The following NIN variants were observed in gnomAD, a reference collection of about 807,000 sequenced individuals.
NIN encodes the protein glycogen synthase kinase 3 beta-interacting protein.
A neutral mutation model predicts 257.6 loss-of-function variants in NIN; 137 were observed. That is an observed-to-expected ratio of 0.53 (90% CI 0.46 to 0.61). NIN has a LOEUF of 0.61. Among genes scored for constraint, NIN ranks in the 20% least tolerant of loss-of-function variants. The pLI is 0.00. For missense variants in NIN, 2,439 were observed against 2,501.2 expected, an observed-to-expected ratio of 0.98 and a Z score of 0.53; for synonymous variants, 918 against 919.8, an observed-to-expected ratio of 1.00 and a Z score of 0.04.
intron 5 of NIN, among the ~76,000 whole-genome samples, chr14:50,781,996 C>A (rs966492650): frequency 6.7e-6 from 1 of 148,354 alleles, no homozygotes. Flanking sequence ...ACATAAGAAG[C>A]AACATAATTA....
rs764843233 is a variant in NIN at position 50,792,676 on chromosome 14, C to T, written c.435+36G>A. ...CTGCACTGACGTGGGGCTCCACACT[C>T]ATGATCCAGATGAACGTGCATGCCC... On this transcript the variant is annotated intron_variant, in intron 5 of 30. Transcript: ENST00000530997. 8.1e-6 allele frequency: 13 copies of T among 1,612,598 alleles called. No individual in the cohort carries two copies. In the Admixed American group the frequency reaches 1.7e-4, roughly 21 times the overall value.
intron 3 of NIN, among the ~76,000 whole-genome samples, chr14:50,818,368 A>G (rs1054816402): frequency 3.3e-5 from 5 of 152,008 alleles, no homozygotes; most frequent in Admixed American, 2.0e-4. Context: ...GTTTCAACAA[A>G]ACCAAGGCAA....
Position 50,759,908 on chromosome 14 carries a change from T to C in NIN, c.2348A>G (p.Glu783Gly), listed in dbSNP as rs1482360908. The C allele has an allele frequency of 6.2e-7, 1 of 1,613,916 alleles. No individual in the cohort carries two copies. The highest frequency in any genetic ancestry group is 1.7e-5 in the Admixed American group (1 of 59,968). Residue 783 changes from glutamate (E) to glycine (G), a missense_variant, in exon 17 of 31, where the codon GAG becomes GGG. This residue lies in a region of NIN where 2,043 missense variants were observed against 2,050.2 expected (regional missense o/e 1.00). Coordinates refer to ENST00000530997, the MANE Select transcript of NIN (RefSeq NM_020921.4). ...LVEKHTLEKE[E>G]LRKELLEKHQ... The stretch of plus-strand genomic sequence containing the variant: ...CTTTTCCAAGAGCTCTTTTCTTAAC[T>C]CCTCTTTCTCAAGAGTGTGTTTCTC...
Position 50,767,677 on chromosome 14 carries a change from T to A in NIN, c.1435-787A>T, listed in dbSNP as rs754692932. Among the ~76,000 whole-genome samples the A allele has an allele frequency of 2.0e-5, 3 of 151,812 alleles. No homozygotes were observed. The East Asian group carries it at 5.8e-4, about 30-fold the overall frequency. ...CTAAAAATACAAAAAATTAGCCAGG[T>A]GTGGTGGCGGGCGCCTGTAGTCCCA... On this transcript the variant is annotated intron_variant, in intron 12 of 30. Transcript: ENST00000530997.
intron 24 of NIN, among the ~76,000 whole-genome samples, chr14:50,743,058 G>A (rs2041364814): frequency 6.6e-6 from 1 of 151,942 alleles, no homozygotes; most frequent in Non-Finnish European, 1.5e-5. Flanking sequence ...CTGCCTCTTA[G>A]GTTCAAACAA....
At position 50,759,579 on chromosome 14, in the gene NIN, C is replaced by T. The variant is rs572680733; in HGVS notation, c.2399+278G>A. ...CGCGATCTCGGCTCACTGCAAGCTC[C>T]GCCTCCCGGGTTCACGCCATTCTCC... On this transcript the variant is annotated intron_variant, in intron 17 of 30. Transcript: ENST00000530997. 1.6e-4 allele frequency among the ~76,000 whole-genome samples: 24 copies of T among 151,996 alleles called. No homozygotes were observed. In the Middle Eastern group the frequency reaches 0.01, roughly 65 times the overall value.
chr14:50,794,154 G>A (rs1166258176), intron 4 of NIN, among the ~76,000 whole-genome samples: 3 of 152,170 alleles, frequency 2.0e-5, no homozygotes, highest in Non-Finnish European at 2.9e-5. Flanking sequence ...TCCCAGGGAG[G>A]ACTGGCGACC....
intron 29 of NIN, among the ~76,000 whole-genome samples, chr14:50,727,987 A>G (rs560664483): frequency 6.6e-6 from 1 of 152,344 alleles, no homozygotes; most frequent in East Asian, 1.9e-4. Context: ...GCAGCGGGAA[A>G]TGGGAGAGCC....
chr14:50,753,392 C>T (rs2041882419), intron 20 of NIN, among the ~76,000 whole-genome samples: 1 of 152,134 alleles, frequency 6.6e-6, no homozygotes, highest in South Asian at 2.1e-4. Flanking sequence ...AAGAGCGAAA[C>T]TCCGTCTCAA....
chr14:50,818,318 CAAAA>C (rs5808573), intron 3 of NIN, among the ~76,000 whole-genome samples: 1 of 81,664 alleles, frequency 1.2e-5, no homozygotes, highest in East Asian at 3.5e-4. Flanking sequence ...GAGACTCTGT[CAAAA>C]AAAAAAAAAA....
intron 4 of NIN, among the ~76,000 whole-genome samples, chr14:50,805,122 A>G (rs1177844272): frequency 6.6e-6 from 1 of 152,256 alleles, no homozygotes; most frequent in Non-Finnish European, 1.5e-5. Flanking sequence ...AATCCACATA[A>G]AAGCACATTA....
At chr14:50,792,252 C>T (rs1201243694) in intron 5 of NIN, 1 of 158,120 alleles carries the variant, frequency 6.3e-6, no homozygotes, top group Non-Finnish European at 1.4e-5. Flanking sequence ...GTTCGAGCTG[C>T]TTTATCACAC....
intron 5 of NIN, among the ~76,000 whole-genome samples, chr14:50,781,128 T>G (rs2141910806): frequency 6.6e-6 from 1 of 152,274 alleles, no homozygotes; most frequent in East Asian, 1.9e-4. Flanking sequence ...GCATCCAAAA[T>G]TATGAAAATT....
At chr14:50,735,981 A>G (rs2040955803) in intron 27 of NIN, among the ~76,000 whole-genome samples, 2 of 152,224 alleles carry the variant, frequency 1.3e-5, no homozygotes. Flanking sequence ...GTAGTATATT[A>G]ATAAAAAATG....
intron 22 of NIN, 101 bp from the exon 23 acceptor site, chr14:50,744,466 C>T: frequency 8.0e-7 from 1 of 1,245,684 alleles, no homozygotes. Context: ...TGCTATTTGC[C>T]TATCTGTGGA....
chr14:50,746,429 A>G (rs2041543131), intron 22 of NIN, among the ~76,000 whole-genome samples: 1 of 152,190 alleles, frequency 6.6e-6, no homozygotes, highest in Admixed American at 6.5e-5. Flanking sequence ...CCTATTGAGT[A>G]CCAGTACTAT....
Position 50,720,354 on chromosome 14 carries a change from T to G in NIN, c.*3109A>C, listed in dbSNP as rs896989610. 7.8e-5 allele frequency: 17 copies of G among 218,220 alleles called. No homozygotes were observed. Among genetic ancestry groups the G allele is most frequent in the Admixed American group, 1.2e-4 (2 of 17,272 alleles). The allele number at this position is 218,220 out of a possible 1,614,324, so 13.5% of individuals were successfully genotyped here. A position where few individuals can be genotyped will look rare whatever the true frequency, so the allele number is the denominator to read the frequency against. On this transcript the variant is annotated 3_prime_UTR_variant, in exon 31 of 31. Coordinates refer to ENST00000530997, the MANE Select transcript of NIN (RefSeq NM_020921.4). ...GCTGACAATAGCAACAATTTCTCCT[T>G]TCCTTCACTCAGCAAAAGAAATCAC... is the stretch of plus-strand genomic sequence containing the variant.
At chr14:50,818,540 T>C (rs1261210867) in intron 3 of NIN, among the ~76,000 whole-genome samples, 1 of 152,174 alleles carries the variant, frequency 6.6e-6, no homozygotes, top group Non-Finnish European at 1.5e-5. Flanking sequence ...GTGCCATGTA[T>C]ATTACCCGAC....
At chr14:50,767,626 G>A (rs1054595472) in intron 12 of NIN, among the ~76,000 whole-genome samples, 3 of 152,014 alleles carry the variant, frequency 2.0e-5, no homozygotes, top group Non-Finnish European at 4.4e-5. Flanking sequence ...GACCATCCTG[G>A]CGAACACGGT....
Sources: gnomAD v4.1 joint callset for allele counts (sites outside exome capture counted in the v4.1 genomes callset) on GRCh38, gnomAD v4.1.1 for gene constraint, gnomAD v4.1.1 regional missense constraint, MANE v1.5 for transcripts, NCBI Gene and HGNC (gene_info 2026-07-23, HGNC 2026-07-21) for gene names.